RGS22: variants seen among roughly 807,000 people sequenced by gnomAD.
RGS22 encodes regulator of G protein signaling 22, also known as regulator of G-protein signaling 22.
In RGS22, 148 loss-of-function variants were observed where a neutral mutation model predicts 172.9. The observed-to-expected ratio is 0.86, with a 90% CI of 0.75 to 0.98. The LOEUF is 0.98. Ranked by LOEUF, RGS22 falls within the 50% of genes least tolerant of loss-of-function variation. The pLI, the probability that RGS22 is intolerant of heterozygous loss-of-function variation, is 0.00. For missense variants in RGS22, 1,347 were observed against 1,440.8 expected, an observed-to-expected ratio of 0.93 and a Z score of 1.05; for synonymous variants, 458 against 480.2, an observed-to-expected ratio of 0.95 and a Z score of 0.60.
chr8:99,977,270 A>ATTTCTTTTTTTT (rs1428079850), intron 23 of RGS22, among the ~76,000 whole-genome samples: 3 of 120,390 alleles, frequency 2.5e-5, no homozygotes, highest in Non-Finnish European at 5.1e-5. Context: ...CGCCCGGTTA[A>ATTTCTTTTTTTT]TTTTTTTTTT....
intron 14 of RGS22, among the ~76,000 whole-genome samples, chr8:100,021,008 C>T (rs1817545010): frequency 1.3e-5 from 2 of 152,194 alleles, no homozygotes; most frequent in African/African-American, 4.8e-5. Context: ...TGCTACAAAT[C>T]AGGGCTGCTT....
chr8:100,044,136 A>T (rs1257373514), intron 11 of RGS22, among the ~76,000 whole-genome samples: 1 of 152,118 alleles, frequency 6.6e-6, no homozygotes, highest in Non-Finnish European at 1.5e-5. Context: ...TCACTGGTGA[A>T]CTCTATCAAG....
intron 6 of RGS22, among the ~76,000 whole-genome samples, chr8:100,067,621 AT>A (rs5893506): frequency 0.14 from 17,070 of 124,434 alleles, 2,213 homozygotes; most frequent in African/African-American, 0.42. Context: ...CACTTTATAC[AT>A]TTTTTTTTTT....
chr8:100,062,580 T>C lies in RGS22; in HGVS notation c.1514+11A>G. On this transcript the variant is annotated intron_variant, in intron 9 of 27. Transcript: ENST00000360863. ...AAAGTGAAAGTAAGTAACTGATTCA[T>C]GTTTTCTTACCAATACAGAAGTAAA... 2 of 1,553,194 alleles carry C rather than the reference T, an allele frequency of 1.3e-6. No homozygotes were observed. Among genetic ancestry groups the C allele is most frequent in the East Asian group, 2.3e-5 (1 of 44,108 alleles).
intron 24 of RGS22, among the ~76,000 whole-genome samples, chr8:99,965,021 C>T (rs964401475): frequency 5.9e-5 from 9 of 152,122 alleles, no homozygotes; most frequent in African/African-American, 2.2e-4. Context: ...ATACAACATC[C>T]TATATATATT....
intron 14 of RGS22, among the ~76,000 whole-genome samples, chr8:100,022,199 C>T (rs963464938): frequency 2.7e-5 from 4 of 149,830 alleles, no homozygotes; most frequent in Admixed American, 6.6e-5. Flanking sequence ...CGTCTTGATA[C>T]CAAGAGGCAA....
chr8:100,016,830 G>A (rs147199519), intron 14 of RGS22, among the ~76,000 whole-genome samples: 5,509 of 151,740 alleles, frequency 0.036, 153 homozygotes, highest in Non-Finnish European at 0.059. Context: ...ACAAGTTACT[G>A]GGTTCAGCAC....
Position 100,093,512 on chromosome 8 carries a change from G to A in RGS22, c.55-3C>T. On this transcript the variant is annotated splice_polypyrimidine_tract_variant and splice_region_variant and intron_variant, in intron 2 of 27. Transcript: ENST00000360863. ...TCATCTGTTGCCAGAGAATCTTCCT[G>A]CAAAAAAAAAACATAAAAACACAGT... The A allele has an allele frequency of 6.4e-7, 1 of 1,569,806 alleles. No individual in the cohort carries two copies. Among genetic ancestry groups the A allele is most frequent in the Non-Finnish European group, 8.7e-7 (1 of 1,150,784 alleles).
At chr8:100,002,081 T>C in intron 18 of RGS22, 121 bp downstream of exon 18, 2 of 685,110 alleles carry the variant, frequency 2.9e-6, no homozygotes, top group Non-Finnish European at 4.7e-6. Flanking sequence ...TCAAAGGTCT[T>C]TAACACATTA....
intron 21 of RGS22, among the ~76,000 whole-genome samples, chr8:99,986,659 A>C (rs1813130138): frequency 6.6e-6 from 1 of 152,202 alleles, no homozygotes; most frequent in African/African-American, 2.4e-5. Flanking sequence ...TTAACCCTGA[A>C]AATAAACTGT....
intron 14 of RGS22, among the ~76,000 whole-genome samples, chr8:100,033,976 G>A (rs1344239804): frequency 3.3e-5 from 5 of 152,084 alleles, no homozygotes; most frequent in Admixed American, 3.3e-4. Flanking sequence ...AAAACAATAA[G>A]AGCTATTTAT....
intron 14 of RGS22, among the ~76,000 whole-genome samples, chr8:100,011,914 T>C (rs182259490): frequency 2.6e-4 from 40 of 152,090 alleles, no homozygotes; most frequent in African/African-American, 7.7e-4. Context: ...TGGGTAAATA[T>C]CAATAAATAC....
intron 14 of RGS22, among the ~76,000 whole-genome samples, chr8:100,018,081 C>A (rs962311850): frequency 6.6e-6 from 1 of 152,106 alleles, no homozygotes; most frequent in African/African-American, 2.4e-5. Flanking sequence ...TGGCACTGCA[C>A]ACAACATGGC....
At chr8:100,007,308 T>G (rs1040149307) in intron 15 of RGS22, among the ~76,000 whole-genome samples, 3 of 152,190 alleles carry the variant, frequency 2.0e-5, no homozygotes, top group African/African-American at 7.2e-5. Context: ...TAACTTAATA[T>G]AAACGTATAC....
intron 4 of RGS22, among the ~76,000 whole-genome samples, chr8:100,079,314 A>C (rs1163623450): frequency 2.6e-5 from 4 of 152,234 alleles, no homozygotes; most frequent in African/African-American, 9.6e-5. Flanking sequence ...TAGTTTGATG[A>C]AAGTTAAAGA....
intron 21 of RGS22, 31 bp downstream of exon 21, chr8:99,987,426 CA>C: frequency 6.6e-7 from 1 of 1,508,174 alleles, no homozygotes; most frequent in Non-Finnish European, 9.0e-7. Context: ...CTCCTCAAAA[CA>C]GGTGGTTTTC....
rs1164669130 is a variant in RGS22 at position 100,052,980 on chromosome 8, T to C, written c.1515-4A>G. The C allele has an allele frequency of 6.2e-7, 1 of 1,612,322 alleles. No homozygotes were observed. On this transcript the variant is annotated splice_region_variant and splice_polypyrimidine_tract_variant and intron_variant, in intron 9 of 27. Transcript: ENST00000360863. ...AGTAACACAGAATCTTGGTGCCCTG[T>C]TTATTGGAAAAATAAATGTAAGATT...
intron 23 of RGS22, among the ~76,000 whole-genome samples, chr8:99,970,384 G>GAGCAAAACT (rs1811206257): frequency 6.6e-6 from 1 of 152,036 alleles, no homozygotes; most frequent in Non-Finnish European, 1.5e-5. Flanking sequence ...ACTAAGATCA[G>GAGCAAAACT]AGCAAAACTA....
Position 100,040,174 on chromosome 8 carries a change from C to A in RGS22, c.1939-87G>T, listed in dbSNP as rs889049828. Reference sequence around the variant, plus strand: ...ACACAACAGGATTTCATAAACTCTACCATGCTGTCATTTTCCCACTGGACT... The same window carrying A: ...ACACAACAGGATTTCATAAACTCTAACATGCTGTCATTTTCCCACTGGACT... On this transcript the variant is annotated intron_variant, in intron 12 of 27. Coordinates refer to ENST00000360863, the MANE Select transcript of RGS22 (RefSeq NM_015668.5). 4.2e-6 allele frequency: 5 copies of A among 1,188,928 alleles called. No individual in the cohort carries two copies. In the East Asian group the frequency reaches 7.8e-5, roughly 19 times the overall value. The allele number at this position is 1,188,928 out of a possible 1,614,324, so 73.6% of individuals were successfully genotyped here.
Sources: gnomAD v4.1 joint callset for allele counts (sites outside exome capture counted in the v4.1 genomes callset) on GRCh38, gnomAD v4.1.1 for gene constraint, MANE v1.5 for transcripts, NCBI Gene and HGNC (gene_info 2026-07-23, HGNC 2026-07-21) for gene names.